Variants in PLCE1 observed in about 807,000 individuals in gnomAD.
The protein encoded by PLCE1 is phospholipase C epsilon 1, also known as 1-phosphatidylinositol 4,5-bisphosphate phosphodiesterase epsilon-1.
Under a neutral mutation model 242.8 loss-of-function variants are expected in PLCE1, and 119 were observed. That is an observed-to-expected ratio of 0.49 (90% CI 0.42 to 0.57). The LOEUF (loss-of-function observed/expected upper bound fraction) is 0.57. Among genes scored for constraint, PLCE1 ranks in the 20% least tolerant of loss-of-function variants. The pLI is 0.00. For missense variants in PLCE1, 2,441 were observed against 2,788.8 expected (o/e 0.88, Z 2.81); for synonymous variants, 945 against 1,017.4 (o/e 0.93, Z 1.35).
chr10:94,214,695 C>G (rs983408433), intron 4 of PLCE1, among the ~76,000 whole-genome samples: 14 of 152,160 alleles, frequency 9.2e-5, no homozygotes, highest in African/African-American at 3.4e-4. Context: ...ACTTGCTCAC[C>G]ATTCACATTC....
Position 94,262,646 on chromosome 10 carries a change from G to A in PLCE1, c.3967G>A (p.Gly1323Arg). The change falls in exon 14 of 33, where the codon GGG (glycine) becomes AGG (arginine). Residue 1323 changes from glycine (G) to arginine (R), a missense_variant. By Grantham distance (125) the Gly-to-Arg change is moderately radical (BLOSUM62 -2). Coordinates refer to ENST00000371380, the MANE Select transcript of PLCE1 (RefSeq NM_016341.4). ...TGAGAGCACATCTCTGGGCATTTTT[G>A]GGGTGGGCATACTTCAGCTCAACGA... Reference protein sequence around the residue: ...GIESTSLGIFGVGILQLNDFL... With the variant: ...GIESTSLGIFRVGILQLNDFL... The A allele has an allele frequency of 1.2e-6, 2 of 1,614,040 alleles. No individual in the cohort carries two copies. The highest frequency in any genetic ancestry group is 1.7e-6 in the Non-Finnish European group (2 of 1,179,966).
In PLCE1 at chr10:94,122,538, T is replaced by C. The variant is rs114725567; in HGVS notation, c.1207-9636T>C. Among the ~76,000 whole-genome samples, 462 of 152,314 alleles carry C rather than the reference T, an allele frequency of 3.0e-3. 3 individuals are homozygous for C. The highest frequency in any genetic ancestry group is 0.01 in the African/African-American group (423 of 41,578). On this transcript the variant is annotated intron_variant, in intron 2 of 32. Transcript: ENST00000371380. ...CTGTTCCATTTACAGCCATGGGGAA[T>C]GTCTGCAGAGATGCTCCTTCATCCA...
intron 24 of PLCE1, among the ~76,000 whole-genome samples, chr10:94,302,808 A>G (rs925587244): frequency 3.3e-5 from 5 of 152,216 alleles, no homozygotes; most frequent in African/African-American, 4.8e-5. Flanking sequence ...AGTGCTTAGA[A>G]TGGTGTCTGG....
chr10:94,163,365 G>A (rs1227099858), intron 3 of PLCE1, among the ~76,000 whole-genome samples: 1 of 152,188 alleles, frequency 6.6e-6, no homozygotes, highest in African/African-American at 2.4e-5. Context: ...ATGTATTTAG[G>A]ATAGTTAGCT....
At chr10:94,034,416 T>A (rs2147738) in intron 2 of PLCE1, among the ~76,000 whole-genome samples, 3 of 152,016 alleles carry the variant, frequency 2.0e-5, no homozygotes, top group African/African-American at 7.3e-5. Context: ...ATTAACACTT[T>A]TATTGCTAAG....
chr10:94,024,155 G>C (rs1252267665), intron 1 of PLCE1, among the ~76,000 whole-genome samples: 1 of 152,154 alleles, frequency 6.6e-6, no homozygotes, highest in Non-Finnish European at 1.5e-5. Context: ...GGAAAGGATT[G>C]CTTAGGCAAA....
At chr10:94,120,409 C>G (rs1203981349) in intron 2 of PLCE1, among the ~76,000 whole-genome samples, 1 of 152,130 alleles carries the variant, frequency 6.6e-6, no homozygotes, top group Non-Finnish European at 1.5e-5. Context: ...TAATCAGGAC[C>G]AGAAGCCAAC....
In PLCE1 at chr10:93,994,059, G is replaced by A. The variant is rs912000823; in HGVS notation, c.-564G>A. ...GGGAGGGGCAGCGGCGGCGCGCCCG[G>A]GCTCTACCTCCCGGGCTCTGCCTCC... On this transcript the variant is annotated 5_prime_UTR_variant, in exon 1 of 33. Transcript: ENST00000371380. Among the ~76,000 whole-genome samples, 2 of 84,726 alleles carry A rather than the reference G, an allele frequency of 2.4e-5. No individual in the cohort carries two copies. Among genetic ancestry groups the A allele is most frequent in the African/African-American group, 7.7e-5 (2 of 25,934 alleles). The allele number at this position is 84,726 out of a possible 152,430, so 55.6% of individuals were successfully genotyped here.
intron 3 of PLCE1, among the ~76,000 whole-genome samples, chr10:94,144,886 C>A (rs2047068994): frequency 6.6e-6 from 1 of 152,108 alleles, no homozygotes; most frequent in African/African-American, 2.4e-5. Context: ...AAAGTGTTAC[C>A]TAATTTAAGC....
Position 94,329,197 on chromosome 10 carries a change from A to G in PLCE1, c.*1254A>G, listed in dbSNP as rs1354138157. On this transcript the variant is annotated 3_prime_UTR_variant, in exon 33 of 33. Coordinates refer to ENST00000371380, the MANE Select transcript of PLCE1 (RefSeq NM_016341.4). ...GCTATTGATCCAAGTCATACTTGCC[A>G]TTTAATGTAAATTATTTTTAAACTT... is the stretch of plus-strand genomic sequence containing the variant. The G allele has an allele frequency of 4.6e-5, 7 of 152,240 alleles. No individual in the cohort carries two copies. Among genetic ancestry groups the G allele is most frequent in the African/African-American group, 1.7e-4 (7 of 41,458 alleles). 9.4% of individuals were successfully genotyped at this position (152,240 alleles called of 1,614,324 possible).
At chr10:94,222,411 T>C (rs1589373863) in intron 4 of PLCE1, among the ~76,000 whole-genome samples, 1 of 152,288 alleles carries the variant, frequency 6.6e-6, no homozygotes, top group Non-Finnish European at 1.5e-5. Context: ...CGAGGGCAGA[T>C]CCTGACAGGT....
intron 32 of PLCE1, among the ~76,000 whole-genome samples, chr10:94,326,579 G>A (rs973131012): frequency 1.1e-4 from 16 of 152,126 alleles, no homozygotes; most frequent in Non-Finnish European, 2.2e-4. Flanking sequence ...TAAAGAGCCC[G>A]ATATGTGCTA....
At chr10:94,153,963 T>G (rs1055154478) in intron 3 of PLCE1, among the ~76,000 whole-genome samples, 1 of 152,252 alleles carries the variant, frequency 6.6e-6, no homozygotes, top group African/African-American at 2.4e-5. Flanking sequence ...AAGCAATCTG[T>G]AGATTAAGTA....
intron 3 of PLCE1, among the ~76,000 whole-genome samples, chr10:94,151,476 A>G (rs1210313045): frequency 6.6e-6 from 1 of 152,228 alleles, no homozygotes; most frequent in African/African-American, 2.4e-5. Context: ...GTGCTATAAA[A>G]AGAACGTGAA....
intron 2 of PLCE1, among the ~76,000 whole-genome samples, chr10:94,053,639 T>C (rs968058946): frequency 2.6e-5 from 4 of 152,182 alleles, no homozygotes; most frequent in African/African-American, 7.2e-5. Flanking sequence ...TGGGAAGTTA[T>C]AGGTGGAGGG....
chr10:94,071,449 A>G (rs1276154079), intron 2 of PLCE1, among the ~76,000 whole-genome samples: 1 of 147,106 alleles, frequency 6.8e-6, no homozygotes, highest in Non-Finnish European at 1.5e-5. Context: ...CTAGTTACAT[A>G]GAAAGTCTTC....
At chr10:94,085,437 G>C (rs891623413) in intron 2 of PLCE1, among the ~76,000 whole-genome samples, 8 of 152,144 alleles carry the variant, frequency 5.3e-5, no homozygotes, top group African/African-American at 1.9e-4. Context: ...CTGACTTGAG[G>C]AATCTGTGGC....
rs146930024 is a variant in PLCE1, at chr10:94,135,825, A to G, written c.1492+3366A>G. On this transcript the variant is annotated intron_variant, in intron 3 of 32. Coordinates refer to ENST00000371380, the MANE Select transcript of PLCE1 (RefSeq NM_016341.4). ...AGAGTTAAACTTTTCAGAGATTTCGAAAAGGAGTTTTAGCCATTTCTGAGA... is the reference window on the plus strand; with the variant it reads ...AGAGTTAAACTTTTCAGAGATTTCGGAAAGGAGTTTTAGCCATTTCTGAGA... Among the ~76,000 whole-genome samples, 8 of 152,350 alleles carry G rather than the reference A, an allele frequency of 5.3e-5. No homozygotes were observed. In the East Asian group the frequency reaches 1.3e-3, roughly 26 times the overall value.
chr10:94,065,716 C>G (rs758921952), intron 2 of PLCE1, among the ~76,000 whole-genome samples: 13 of 152,166 alleles, frequency 8.5e-5, no homozygotes, highest in Non-Finnish European at 1.6e-4. Flanking sequence ...GAAATTGACA[C>G]TCTGCCAGAA....
Sources: gnomAD v4.1 joint callset for allele counts (sites outside exome capture counted in the v4.1 genomes callset) on GRCh38, gnomAD v4.1.1 for gene constraint, MANE v1.5 for transcripts, NCBI Gene and HGNC (gene_info 2026-07-23, HGNC 2026-07-21) for gene names.